Variants in AGBL4 observed in about 807,000 individuals in gnomAD.
AGBL4 encodes cytosolic carboxypeptidase 6.
A neutral mutation model predicts 66.4 loss-of-function variants in AGBL4; 58 were observed. That is an observed-to-expected ratio of 0.87 (90% CI 0.71 to 1.09). The LOEUF is 1.09. AGBL4 is among the 50% of genes least tolerant of loss of function. The pLI is 0.00. For missense variants in AGBL4, 579 were observed against 631.0 expected, an observed-to-expected ratio of 0.92 and a Z score of 0.88; for synonymous variants, 234 against 222.9, an observed-to-expected ratio of 1.05 and a Z score of -0.44.
chr1:48,764,367 A>G (rs552307020), intron 6 of AGBL4, among the ~76,000 whole-genome samples: 1 of 152,342 alleles, frequency 6.6e-6, no homozygotes, highest in African/African-American at 2.4e-5. Flanking sequence ...CTATGTGTTA[A>G]AAACTTGAGC....
At chr1:48,664,882 A>C (rs373801820) in intron 6 of AGBL4, among the ~76,000 whole-genome samples, 1 of 152,220 alleles carries the variant, frequency 6.6e-6, no homozygotes. Context: ...TAGAAAGAAC[A>C]TTGAGAGAGG....
At chr1:48,583,928 C>T (rs1246273478) in intron 11 of AGBL4, 1 of 151,100 alleles carries the variant, frequency 6.6e-6, no homozygotes, top group Non-Finnish European at 1.5e-5. Context: ...TCGGCCTGAG[C>T]TTCCCTGGTG....
chr1:49,973,098 C>T (rs1230064994), intron 1 of AGBL4, among the ~76,000 whole-genome samples: 2 of 152,118 alleles, frequency 1.3e-5, no homozygotes, highest in South Asian at 2.1e-4. Flanking sequence ...CCATAAGGTG[C>T]CTTTGTATGA....
chr1:49,733,118 G>A (rs1649584751), intron 2 of AGBL4, among the ~76,000 whole-genome samples: 1 of 152,152 alleles, frequency 6.6e-6, no homozygotes, highest in Non-Finnish European at 1.5e-5. Flanking sequence ...GAGGCCAGAA[G>A]GCAGTAGGAT....
At chr1:48,697,654 G>A (rs1020972432) in intron 6 of AGBL4, among the ~76,000 whole-genome samples, 5 of 152,126 alleles carry the variant, frequency 3.3e-5, no homozygotes, top group African/African-American at 7.2e-5. Context: ...ATAGCATTAC[G>A]GGTTTCTAGC....
intron 1 of AGBL4, among the ~76,000 whole-genome samples, chr1:49,911,255 T>A (rs186681962): frequency 6.6e-6 from 1 of 152,210 alleles, no homozygotes; most frequent in East Asian, 1.9e-4. Context: ...CTTTTGTAAC[T>A]GAAATAAATA....
chr1:48,663,346 C>A, intron 6 of AGBL4, 105 bp from the exon 7 acceptor site: 2 of 1,022,946 alleles, frequency 2.0e-6, no homozygotes, highest in South Asian at 2.6e-5. Flanking sequence ...GGATGTTTTA[C>A]ATTTACCTCT....
At chr1:49,782,530 A>G (rs933456163) in intron 2 of AGBL4, among the ~76,000 whole-genome samples, 1 of 152,200 alleles carries the variant, frequency 6.6e-6, no homozygotes, top group Non-Finnish European at 1.5e-5. Flanking sequence ...ACTAGGAGGT[A>G]GCATCTTTAA....
At chr1:49,831,256 C>T (rs1557490522) in intron 2 of AGBL4, among the ~76,000 whole-genome samples, 1 of 152,124 alleles carries the variant, frequency 6.6e-6, no homozygotes, top group Non-Finnish European at 1.5e-5. Flanking sequence ...AATGTCTTCC[C>T]ATTCGTTTGT....
intron 3 of AGBL4, among the ~76,000 whole-genome samples, chr1:49,453,517 GAAAACAAT>G (rs1646324058): frequency 6.6e-6 from 1 of 151,524 alleles, no homozygotes; most frequent in Admixed American, 6.6e-5. Context: ...TAAAAGCAAG[GAAAACAAT>G]AAAATAAATA....
chr1:49,648,139 G>A (rs1645927973), intron 3 of AGBL4, among the ~76,000 whole-genome samples: 1 of 151,946 alleles, frequency 6.6e-6, no homozygotes, highest in African/African-American at 2.4e-5. Context: ...AGGGACAGAT[G>A]GGCAATACAG....
At chr1:49,137,090 C>T (rs1393198828) in intron 4 of AGBL4, among the ~76,000 whole-genome samples, 1 of 152,054 alleles carries the variant, frequency 6.6e-6, no homozygotes, top group Non-Finnish European at 1.5e-5. Context: ...GATATGTATC[C>T]AGCAGTCTGC....
intron 11 of AGBL4, among the ~76,000 whole-genome samples, chr1:48,552,608 C>T (rs1185283987): frequency 6.6e-6 from 1 of 152,134 alleles, no homozygotes; most frequent in African/African-American, 2.4e-5. Context: ...TGGTTTCTCC[C>T]ACTAGATGTC....
At chr1:49,560,301 CA>C (rs1283367779) in intron 3 of AGBL4, among the ~76,000 whole-genome samples, 1 of 151,940 alleles carries the variant, frequency 6.6e-6, no homozygotes, top group Non-Finnish European at 1.5e-5. Context: ...AAGAATCAAG[CA>C]GAAATTCTGG....
chr1:48,634,643 T>G (rs200661451), intron 8 of AGBL4, 39 bp from the exon 9 acceptor site: 3 of 1,436,116 alleles, frequency 2.1e-6, no homozygotes, highest in Admixed American at 2.1e-5. Flanking sequence ...ATAGACAGGA[T>G]AAGCTGAGCT....
chr1:49,735,296 GGTGTGTGTGTGTGTGT>G, intron 2 of AGBL4, among the ~76,000 whole-genome samples: 1 of 127,390 alleles, frequency 7.8e-6, no homozygotes, highest in East Asian at 2.2e-4. Flanking sequence ...GAGGTGTGTG[GGTGTGTGTGTGTGTGT>G]GTGTGTGTGT....
intron 9 of AGBL4, among the ~76,000 whole-genome samples, chr1:48,624,265 T>C (rs369872127): frequency 4.6e-4 from 70 of 152,272 alleles, no homozygotes; most frequent in African/African-American, 1.6e-3. Flanking sequence ...GAGAGAATTA[T>C]AGAGGTTTGA....
intron 4 of AGBL4, among the ~76,000 whole-genome samples, chr1:49,103,866 A>T (rs1339822238): frequency 3.3e-5 from 5 of 152,170 alleles, no homozygotes; most frequent in African/African-American, 9.7e-5. Context: ...TGTATCATGC[A>T]TATTCATCAT....
intron 5 of AGBL4, among the ~76,000 whole-genome samples, chr1:48,967,879 C>A (rs566249333): frequency 1.2e-4 from 18 of 152,240 alleles, no homozygotes; most frequent in African/African-American, 4.1e-4. Context: ...AGAAACACAG[C>A]CACTCATCTC....
Sources: gnomAD v4.1 joint callset for allele counts (sites outside exome capture counted in the v4.1 genomes callset) on GRCh38, gnomAD v4.1.1 for gene constraint, MANE v1.5 for transcripts, NCBI Gene and HGNC (gene_info 2026-07-23, HGNC 2026-07-21) for gene names.